RAB20: variants seen among roughly 807,000 people sequenced by gnomAD.
RAB20 encodes the protein ras-related protein Rab-20.
Under a neutral mutation model 3.7 loss-of-function variants are expected in RAB20, and 2 were observed. The ratio of observed to expected loss-of-function variants is 0.54; its 90% CI spans 0.22 to 1.69. RAB20 has a LOEUF of 1.69. Ranked by LOEUF, RAB20 falls within the 40% of genes most tolerant of loss-of-function variation. The probability of loss-of-function intolerance (pLI) is 0.19; values close to 1 mark genes in which losing one functional copy is unlikely to be tolerated. For synonymous variants in RAB20, 126 were observed against 130.8 expected (o/e 0.96, Z 0.25); for missense variants, 276 against 311.9 (o/e 0.88, Z 0.87).
At chr13:110,543,244 T>C (rs1297244911) in intron 1 of RAB20, among the ~76,000 whole-genome samples, 2 of 152,152 alleles carry the variant, frequency 1.3e-5, no homozygotes, top group Non-Finnish European at 2.9e-5. Context: ...TCCTCCTGCC[T>C]CAGCCTCCCA....
At chr13:110,537,874 A>C (rs1318377) in intron 1 of RAB20, among the ~76,000 whole-genome samples, 143,009 of 152,120 alleles carry the variant, frequency 0.94, 67,300 homozygotes, top group African/African-American at 0.97. Flanking sequence ...CAGCAAATGG[A>C]AGAGGCAGGC....
chr13:110,528,098 A>C (rs9634594), intron 1 of RAB20, among the ~76,000 whole-genome samples: 143,170 of 151,838 alleles, frequency 0.94, 67,565 homozygotes, highest in African/African-American at 0.98. Flanking sequence ...GAGACCCCAT[A>C]TCTAAAATAA....
intron 1 of RAB20, among the ~76,000 whole-genome samples, chr13:110,539,312 ATGAC>A (rs938582617): frequency 6.6e-6 from 1 of 152,176 alleles, no homozygotes; most frequent in African/African-American, 2.4e-5. Flanking sequence ...GTCCTGCTTA[ATGAC>A]TGTCTACATC....
rs1365526609 is a variant in RAB20 at position 110,523,804 on chromosome 13, T to C, written c.566A>G (p.Asn189Ser). Residue 189 changes from asparagine to serine, a missense_variant, in exon 2 of 2, where the codon AAT becomes AGT. Coordinates refer to ENST00000267328, the MANE Select transcript of RAB20 (RefSeq NM_017817.3). ...GAGGGTCTCAAACAGGAGGTCCACA[T>C]TGTAGCCGGTCTTGGCGCTGGTCTC... The part of the protein sequence containing the change: ...CFETSAKTGY[N>S]VDLLFETLFD... 5 of 1,614,090 alleles carry C rather than the reference T, an allele frequency of 3.1e-6. No homozygotes were observed. Among genetic ancestry groups the C allele is most frequent in the East Asian group, 2.2e-5 (1 of 44,886 alleles).
At chr13:110,545,367 T>G (rs1466492634) in intron 1 of RAB20, among the ~76,000 whole-genome samples, 1 of 152,234 alleles carries the variant, frequency 6.6e-6, no homozygotes, top group Non-Finnish European at 1.5e-5. Flanking sequence ...AAGTGTATTA[T>G]GTCTCCCAAA....
Position 110,561,514 on chromosome 13 carries a change from C to T in RAB20, c.6G>A (p.Arg2=). 2 of 1,570,846 alleles carry T rather than the reference C, an allele frequency of 1.3e-6. No homozygotes were observed. Residue 2 remains arginine, a synonymous_variant, in exon 1 of 2, where the codon AGG becomes AGA. Transcript: ENST00000267328. The stretch of plus-strand genomic sequence containing the variant: ...GGAGCACGATCTTGCTGTCGGGCTT[C>T]CTCATCTTCCCGTAAGAACCCCCAG... M[R]KPDSKIVLLG... is the part of the protein sequence containing the mutation.
At chr13:110,559,252 A>G (rs1423165779) in intron 1 of RAB20, among the ~76,000 whole-genome samples, 1 of 152,008 alleles carries the variant, frequency 6.6e-6, no homozygotes, top group Non-Finnish European at 1.5e-5. Flanking sequence ...GCTAAAAGCA[A>G]CTTTCAAAAT....
intron 1 of RAB20, among the ~76,000 whole-genome samples, chr13:110,539,012 C>A (rs1884706681): frequency 6.6e-6 from 1 of 152,172 alleles, no homozygotes; most frequent in Non-Finnish European, 1.5e-5. Flanking sequence ...AATAGTAATG[C>A]TTTTCTGCCA....
At position 110,555,818 on chromosome 13, in the gene RAB20, G is replaced by A. The variant is rs568868425; in HGVS notation, c.172+5530C>T. Among the ~76,000 whole-genome samples the A allele has an allele frequency of 7.2e-5, 11 of 152,292 alleles. No individual in the cohort carries two copies. The highest frequency in any genetic ancestry group is 1.9e-4 in the African/African-American group (8 of 41,560). On this transcript the variant is annotated intron_variant, in intron 1 of 1. Coordinates refer to ENST00000267328, the MANE Select transcript of RAB20 (RefSeq NM_017817.3). This position sits in a 1 kb window ranked among gnomAD's most constrained non-coding sequence, Gnocchi z 4.0. ...ATTCTCACTCTTTACCACGGCCACC[G>A]CGAGTGCCCCCAGCCTTCCCTCCTC... is the stretch of plus-strand genomic sequence containing the variant.
intron 1 of RAB20, among the ~76,000 whole-genome samples, chr13:110,557,615 G>A (rs925749581): frequency 2.6e-5 from 4 of 152,234 alleles, no homozygotes; most frequent in Admixed American, 6.5e-5. Flanking sequence ...TCCCACAGAC[G>A]TGCATCCATT....
At chr13:110,535,911 G>T (rs1884631438) in intron 1 of RAB20, among the ~76,000 whole-genome samples, 1 of 152,220 alleles carries the variant, frequency 6.6e-6, no homozygotes, top group Non-Finnish European at 1.5e-5. Context: ...GTATTATTAT[G>T]GGTTCAAAAA....
intron 1 of RAB20, among the ~76,000 whole-genome samples, chr13:110,548,679 A>G (rs541357234): frequency 6.6e-6 from 1 of 152,068 alleles, no homozygotes; most frequent in African/African-American, 2.4e-5. Flanking sequence ...TCCAGGCTCC[A>G]TCGTAGCCTC....
At chr13:110,556,957 G>A (rs1426257527) in intron 1 of RAB20, among the ~76,000 whole-genome samples, 1 of 152,248 alleles carries the variant, frequency 6.6e-6, no homozygotes, top group Non-Finnish European at 1.5e-5. Context: ...GGCAATGGCA[G>A]ATCTGGGAGG....
Position 110,523,741 on chromosome 13 carries a change from G to A in RAB20, c.629C>T (p.Ala210Val). Reference sequence around the variant, plus strand: ...ATCCACTGTGTGTGACGGCCTCTCAGCTCTCTGCTGTAAGATCATTGGCAC... The same window carrying A: ...ATCCACTGTGTGTGACGGCCTCTCAACTCTCTGCTGTAAGATCATTGGCAC... ...LVVPMILQQR[A>V]ERPSHTVDIS... Residue 210 changes from alanine to valine, a missense_variant, in exon 2 of 2, where the codon GCT becomes GTT. Transcript: ENST00000267328. The A allele has an allele frequency of 6.2e-7, 1 of 1,614,196 alleles. No individual in the cohort carries two copies. Among genetic ancestry groups the A allele is most frequent in the Middle Eastern group, 1.6e-4 (1 of 6,062 alleles).
At chr13:110,559,513 C>T (rs1221126393) in intron 1 of RAB20, among the ~76,000 whole-genome samples, 1 of 152,182 alleles carries the variant, frequency 6.6e-6, no homozygotes. Flanking sequence ...GGCAAGGGTG[C>T]CCTGTGTCCC....
At chr13:110,532,674 G>C (rs569911481) in intron 1 of RAB20, among the ~76,000 whole-genome samples, 1 of 102,288 alleles carries the variant, frequency 9.8e-6, no homozygotes, top group African/African-American at 4.4e-5. Context: ...ACCACGCCCA[G>C]CCTATTTAAT....
At position 110,561,673 on chromosome 13, in the gene RAB20, T is replaced by C; in HGVS notation, c.-154A>G. On this transcript the variant is annotated 5_prime_UTR_variant, in exon 1 of 2. Coordinates refer to ENST00000267328, the MANE Select transcript of RAB20 (RefSeq NM_017817.3). ...CCTTCGCCTCCGGACGCCCGGGAGC[T>C]CAAGAGAGGAAGCGCGTGTGCGCGC... The C allele has an allele frequency of 7.7e-7, 1 of 1,303,720 alleles. No homozygotes were observed. Among genetic ancestry groups the C allele is most frequent in the Non-Finnish European group, 9.9e-7 (1 of 1,005,570 alleles). The allele number at this position is 1,303,720 out of a possible 1,614,324, so 80.8% of individuals were successfully genotyped here. A position where few individuals can be genotyped will look rare whatever the true frequency, so the allele number is the denominator to read the frequency against.
In RAB20 at chr13:110,560,274, T is replaced by C. The variant is rs570012034; in HGVS notation, c.172+1074A>G. Among the ~76,000 whole-genome samples, 9 of 152,216 alleles carry C rather than the reference T, an allele frequency of 5.9e-5. No homozygotes were observed. In the South Asian group the frequency reaches 1.9e-3, roughly 32 times the overall value. On this transcript the variant is annotated intron_variant, in intron 1 of 1. Coordinates refer to ENST00000267328, the MANE Select transcript of RAB20 (RefSeq NM_017817.3). Reference sequence around the variant, plus strand: ...CACAAGATGATTGCCAATAAATTAGTCACGATGTTAACTGGGATAATAATA... The same window carrying C: ...CACAAGATGATTGCCAATAAATTAGCCACGATGTTAACTGGGATAATAATA...
chr13:110,539,509 C>T (rs6492283), intron 1 of RAB20, among the ~76,000 whole-genome samples: 142,187 of 151,450 alleles, frequency 0.94, 66,818 homozygotes, highest in African/African-American at 0.97. Context: ...GATTTTTCAC[C>T]TTTAAATATA....
Sources: allele counts gnomAD v4.1 joint callset (sites outside exome capture counted in the v4.1 genomes callset), GRCh38; gene constraint gnomAD v4.1.1; non-coding constraint Gnocchi (gnomAD v3.1); transcripts MANE v1.5; gene names NCBI Gene and HGNC (gene_info 2026-07-23, HGNC 2026-07-21).